PCDHGA5: variants seen among roughly 807,000 people sequenced by gnomAD.
PCDHGA5 encodes protocadherin gamma subfamily A, 5.
PCDHGA5 carries 36 observed loss-of-function variants against 56.7 expected under a neutral mutation model. That is an observed-to-expected ratio of 0.64 (90% CI 0.49 to 0.84). The LOEUF is 0.84. PCDHGA5 is among the 40% of genes least tolerant of loss of function. PCDHGA5 has a pLI of 0.00. For synonymous variants in PCDHGA5, 563 were observed against 520.2 expected (o/e 1.08, Z -1.12); for missense variants, 1,305 against 1,201.5 (o/e 1.09, Z -1.27).
intron 1 of PCDHGA5, chr5:141,422,369 G>A (rs890803753): frequency 6.4e-7 from 1 of 1,566,400 alleles, no homozygotes; most frequent in Non-Finnish European, 8.6e-7. Flanking sequence ...GGAGAAAATG[G>A]TCAAGTCTCC....
rs550977374 is a variant in PCDHGA5, at chr5:141,447,118, G to A, written c.2422-47689G>A. 9.2e-5 allele frequency among the ~76,000 whole-genome samples: 14 copies of A among 151,984 alleles called. No individual in the cohort carries two copies. The East Asian group carries it at 2.7e-3, about 29-fold the overall frequency. ...TTCACATGATTATATGTGCTCCATGGATTTTTTTGTTTGTTTGTTTTTTGT... is the reference window on the plus strand; with the variant it reads ...TTCACATGATTATATGTGCTCCATGAATTTTTTTGTTTGTTTGTTTTTTGT... On this transcript the variant is annotated intron_variant, in intron 1 of 3. Transcript: ENST00000518069.
chr5:141,413,665 C>T (rs770111467), intron 1 of PCDHGA5: 1 of 1,613,726 alleles, frequency 6.2e-7, no homozygotes, highest in East Asian at 2.2e-5. Flanking sequence ...AGCTATTGAT[C>T]CGGATGTGGG....
intron 1 of PCDHGA5, chr5:141,413,669 A>C: frequency 6.2e-7 from 1 of 1,613,844 alleles, no homozygotes; most frequent in South Asian, 1.1e-5. Flanking sequence ...ATTGATCCGG[A>C]TGTGGGCGTG....
intron 1 of PCDHGA5, among the ~76,000 whole-genome samples, chr5:141,462,650 TC>T (rs1254671361): frequency 7.3e-6 from 1 of 137,262 alleles, no homozygotes; most frequent in African/African-American, 3.0e-5. Context: ...ATTTCCATCC[TC>T]AATTATCTTC....
In PCDHGA5 at chr5:141,366,348, C is replaced by T. The variant is rs374896827; in HGVS notation, c.2018C>T (p.Ala673Val). 6.2e-7 allele frequency: 1 copy of T among 1,613,948 alleles called. No homozygotes were observed. Among genetic ancestry groups the T allele is most frequent in the Admixed American group, 1.7e-5 (1 of 60,036 alleles). ...GCCGACAGGATCCCTGACATCCTGG[C>T]TGACCTAGGCAGTATCAAGACCCCC... ...AVADRIPDIL[A>V]DLGSIKTPID... Residue 673 changes from alanine (A) to valine (V), a missense_variant, in exon 1 of 4, where the codon GCT becomes GTT. Transcript: ENST00000518069.
At chr5:141,422,716 G>A (rs1348237465) in intron 1 of PCDHGA5, 1 of 1,604,378 alleles carries the variant, frequency 6.2e-7, no homozygotes, top group Non-Finnish European at 8.5e-7. Flanking sequence ...GGATGACACT[G>A]TCCAGGGGGT....
In PCDHGA5 at chr5:141,366,586, C is replaced by G. The variant is rs1373110985; in HGVS notation, c.2256C>G (p.Thr752=). Residue 752 remains threonine (T), a synonymous_variant, in exon 1 of 4, where the codon ACC becomes ACG. Transcript: ENST00000518069. ...ATGGGGTTCGGGCTTTCCTGCAGAC[C>G]TATTCCCACGAGGTCTCCCTCACCG... is the stretch of plus-strand genomic sequence containing the variant. ...GVDGVRAFLQ[T]YSHEVSLTAD... is the part of the protein sequence containing the mutation. 6.2e-7 allele frequency: 1 copy of G among 1,614,262 alleles called. No homozygotes were observed. The highest frequency in any genetic ancestry group is 8.5e-7 in the Non-Finnish European group (1 of 1,180,052).
chr5:141,383,085 C>T (rs773972778), intron 1 of PCDHGA5: 1 of 1,613,744 alleles, frequency 6.2e-7, no homozygotes, highest in Non-Finnish European at 8.5e-7. Flanking sequence ...TGGCGGAGCG[C>T]GGAGTCCGCA....
At chr5:141,438,749 C>T (rs1238134451) in intron 1 of PCDHGA5, among the ~76,000 whole-genome samples, 3 of 149,226 alleles carry the variant, frequency 2.0e-5, no homozygotes, top group African/African-American at 4.9e-5. Context: ...GCAACCTCTG[C>T]CTCCTGGGTT....
At chr5:141,422,005 A>T in intron 1 of PCDHGA5, 1 of 1,609,814 alleles carries the variant, frequency 6.2e-7, no homozygotes, top group East Asian at 2.2e-5. Flanking sequence ...CAGCTCCGGA[A>T]CTCGGGTGCT....
chr5:141,393,259 G>C (rs1561641378), intron 1 of PCDHGA5: 1 of 1,613,874 alleles, frequency 6.2e-7, no homozygotes, highest in Admixed American at 1.7e-5. Flanking sequence ...GCGGTTCCTG[G>C]AGCACGTTAT....
intron 1 of PCDHGA5, chr5:141,383,281 G>C: frequency 6.2e-7 from 1 of 1,613,922 alleles, no homozygotes; most frequent in Non-Finnish European, 8.5e-7. Context: ...AGATATTAAT[G>C]ACAACGTTCC....
At chr5:141,438,957 C>T (rs1292059651) in intron 1 of PCDHGA5, among the ~76,000 whole-genome samples, 1 of 152,026 alleles carries the variant, frequency 6.6e-6, no homozygotes, top group Non-Finnish European at 1.5e-5. Context: ...TGAGCCACCG[C>T]ACCCTGCCAA....
rs139832920 is a variant in PCDHGA5, at chr5:141,432,866, G to T, written c.2422-61941G>T. On this transcript the variant is annotated intron_variant, in intron 1 of 3. Coordinates refer to ENST00000518069, the MANE Select transcript of PCDHGA5 (RefSeq NM_018918.3). This position sits in a 1 kb window ranked among gnomAD's most constrained non-coding sequence, Gnocchi z 6.0. ...GGTAGCGGTGGCCGCGGTCTCCTGC[G>T]TCTTCCTGGCCTTCGTCATCTTGCT... The T allele has an allele frequency of 1.9e-6, 3 of 1,614,034 alleles. No individual in the cohort carries two copies. The African/African-American group carries it at 4.0e-5, about 22-fold the overall frequency.
At position 141,485,682 on chromosome 5, in the gene PCDHGA5, A is replaced by T. The variant is rs779441999; in HGVS notation, c.2422-9125A>T. 6.2e-7 allele frequency: 1 copy of T among 1,613,958 alleles called. No individual in the cohort carries two copies. Among genetic ancestry groups the T allele is most frequent in the Non-Finnish European group, 8.5e-7 (1 of 1,179,972 alleles). On this transcript the variant is annotated intron_variant, in intron 1 of 3. Transcript: ENST00000518069. This position sits in a 1 kb window ranked among gnomAD's most constrained non-coding sequence, Gnocchi z 5.7. ...GTGGGGAGCAATTCGATTAGCAGCT[A>T]TAGGCTGAGCTCCAATGAACACTTT...
In PCDHGA5 at chr5:141,489,911, G is replaced by A; in HGVS notation, c.2422-4896G>A. On this transcript the variant is annotated intron_variant, in intron 1 of 3. Transcript: ENST00000518069. The surrounding 1 kb of genome is among the most constrained non-coding windows in gnomAD (Gnocchi z 4.5). ...GATGGGGGGACCCCAGCCCGCTCAG[G>A]GACCACCCTTATCTCTGTCATCGTG... 3.7e-6 allele frequency: 6 copies of A among 1,614,198 alleles called. No individual in the cohort carries two copies. Among genetic ancestry groups the A allele is most frequent in the Non-Finnish European group, 5.1e-6 (6 of 1,180,042 alleles).
At chr5:141,456,364 G>A (rs778916049) in intron 1 of PCDHGA5, among the ~76,000 whole-genome samples, 2 of 152,258 alleles carry the variant, frequency 1.3e-5, no homozygotes, top group Admixed American at 6.5e-5. Flanking sequence ...TCCATGTGTG[G>A]TTCAGTTTAC....
chr5:141,366,788 T>G, intron 1 of PCDHGA5, 37 bp downstream of exon 1: 1 of 1,571,338 alleles, frequency 6.4e-7, no homozygotes, highest in Non-Finnish European at 8.6e-7. Context: ...ACCAGAACAT[T>G]TTCATTTGTT....
chr5:141,427,822 T>C (rs1446832816), intron 1 of PCDHGA5: 1 of 1,534,220 alleles, frequency 6.5e-7, no homozygotes, highest in Non-Finnish European at 8.9e-7. Flanking sequence ...GGGGTGGTGG[T>C]CGCGCAGCGT....
Sources: gnomAD v4.1 joint callset for allele counts (sites outside exome capture counted in the v4.1 genomes callset) on GRCh38, gnomAD v4.1.1 for gene constraint, Gnocchi (gnomAD v3.1) non-coding constraint, MANE v1.5 for transcripts, NCBI Gene and HGNC (gene_info 2026-07-23, HGNC 2026-07-21) for gene names.